The following OGT variants were observed in gnomAD, a reference collection of about 807,000 sequenced individuals.
OGT encodes the protein UDP-N-acetylglucosamine--peptide N-acetylglucosaminyltransferase 110 kDa subunit.
OGT carries 3 observed loss-of-function variants against 75.8 expected under a neutral mutation model. The ratio of observed to expected loss-of-function variants is 0.04; its 90% CI spans 0.02 to 0.10. The LOEUF is 0.10. OGT is among the 10% of genes least tolerant of loss of function. The pLI is 1.00. For synonymous variants in OGT, 257 were observed against 289.7 expected (o/e 0.89, Z 1.15); for missense variants, 260 against 824.4 (o/e 0.32, Z 8.38).
intron 1 of OGT, among the ~76,000 whole-genome samples, chrX:71,533,776 C>T (rs927300627): frequency 9.2e-6 from 1 of 108,984 alleles, no homozygotes; most frequent in African/African-American, 3.4e-5. Context: ...TTCCCCTTAG[C>T]CAGATTTGGT....
intron 3 of OGT, 71 bp downstream of exon 3, chrX:71,538,143 C>T (rs2040192959): frequency 1.6e-5 from 18 of 1,106,970 alleles, no homozygotes; most frequent in Non-Finnish European, 2.1e-5. Context: ...ATATTTCAGA[C>T]ACTAAAGTAG....
At chrX:71,533,747 C>T (rs1246784485) in intron 1 of OGT, among the ~76,000 whole-genome samples, 5 of 109,275 alleles carry the variant, frequency 4.6e-5, no homozygotes, top group African/African-American at 1.0e-4. Context: ...TCTCCTCCTT[C>T]ATCTCCCCCC....
At chrX:71,557,405 T>A in intron 11 of OGT, 88 bp from the exon 12 acceptor site, 2 of 1,074,315 alleles carry the variant, frequency 1.9e-6, no homozygotes, top group Admixed American at 2.4e-5. Context: ...TAATAGGCTA[T>A]CTGACATTAC....
intron 21 of OGT, among the ~76,000 whole-genome samples, chrX:71,572,498 T>C (rs905777062): frequency 1.8e-5 from 2 of 112,642 alleles, no homozygotes; most frequent in African/African-American, 6.5e-5. Flanking sequence ...TTGGGCGTGG[T>C]GGCGCATGCC....
intron 5 of OGT, among the ~76,000 whole-genome samples, chrX:71,550,255 T>C (rs1313554781): frequency 8.9e-6 from 1 of 112,759 alleles, no homozygotes; most frequent in Non-Finnish European, 1.9e-5. Flanking sequence ...TTATTATTCG[T>C]CCTTTTGATG....
rs188474626 is a variant in OGT, at chrX:71,565,259, C to T, written c.2589+506C>T. ...CCTTTTTTTAAAAAACAGAATCTCA[C>T]TCTGTTGTTCGGGCTGCAGTGTAGT... On this transcript the variant is annotated intron_variant, in intron 19 of 21. Coordinates refer to ENST00000373719, the MANE Select transcript of OGT (RefSeq NM_181672.3). 4.1e-3 allele frequency among the ~76,000 whole-genome samples: 462 copies of T among 112,069 alleles called. 5 individuals carry two copies. The highest frequency in any genetic ancestry group is 4.0e-3 in the Non-Finnish European group (214 of 53,209).
intron 5 of OGT, among the ~76,000 whole-genome samples, chrX:71,554,186 T>C (rs2040327096): frequency 8.9e-6 from 1 of 111,843 alleles, no homozygotes; most frequent in African/African-American, 3.3e-5. Flanking sequence ...TTGCCACTAT[T>C]TTTCAGAAGA....
At chrX:71,558,375 T>C (rs1052270559) in intron 12 of OGT, among the ~76,000 whole-genome samples, 3 of 109,839 alleles carry the variant, frequency 2.7e-5, no homozygotes, top group Non-Finnish European at 3.8e-5. Context: ...CTTTTTTTTT[T>C]TTTTTGAGAC....
chrX:71,536,559 C>T, intron 2 of OGT: 2 of 340,193 alleles, frequency 5.9e-6, no homozygotes, highest in Non-Finnish European at 5.0e-6. Flanking sequence ...GTTATATTAT[C>T]AGTATGACTA....
intron 21 of OGT, among the ~76,000 whole-genome samples, chrX:71,572,931 A>C (rs927405197): frequency 1.8e-5 from 2 of 111,930 alleles, no homozygotes; most frequent in African/African-American, 6.5e-5. Flanking sequence ...TGAAGAATCA[A>C]TTACTTCTTT....
intron 2 of OGT, 85 bp downstream of exon 2, chrX:71,536,443 AT>A (rs1196336095): frequency 2.4e-6 from 2 of 824,161 alleles, no homozygotes. Context: ...TGAACTTGAA[AT>A]TTTTCCAGTA....
At position 71,538,126 on chromosome X, in the gene OGT, T is replaced by C. The variant is rs1384000242; in HGVS notation, c.462+54T>C. On this transcript the variant is annotated intron_variant, in intron 3 of 21. Coordinates refer to ENST00000373719, the MANE Select transcript of OGT (RefSeq NM_181672.3). The stretch of plus-strand genomic sequence containing the variant: ...CTTCCTAGAAACCCAGAAAGAAACA[T>C]AGTGTGATATTTCAGACACTAAAGT... The C allele has an allele frequency of 1.1e-5, 13 of 1,156,390 alleles. No homozygotes were observed. In the Admixed American group the frequency reaches 2.8e-4, roughly 25 times the overall value.
Position 71,574,720 on chromosome X carries a change from AGTGT to A in OGT, c.*931_*934del, listed in dbSNP as rs772067576. The A allele has an allele frequency of 7.0e-5, 7 of 100,357 alleles. No homozygotes were observed. In the East Asian group the frequency reaches 9.4e-4, roughly 13 times the overall value. 8.3% of individuals were successfully genotyped at this position (100,357 alleles called of 1,213,427 possible). ...CTTCTATGCTGCTTCCAAAAGTGAT[AGTGT>A]GTGTAAGATTTTTACCTTCCTTTCT... is the stretch of plus-strand genomic sequence containing the variant. On this transcript the variant is annotated 3_prime_UTR_variant, in exon 22 of 22. Transcript: ENST00000373719.
At chrX:71,559,737 G>A (rs976611173) in intron 14 of OGT, 60 bp downstream of exon 14, 2 of 892,633 alleles carry the variant, frequency 2.2e-6, no homozygotes, top group African/African-American at 2.0e-5. Context: ...AAAACTATTA[G>A]CATATAGTTT....
At position 71,573,872 on chromosome X, in the gene OGT, C is replaced by T. The variant is rs2040474849; in HGVS notation, c.*78C>T. The T allele has an allele frequency of 1.2e-6, 1 of 811,237 alleles. No individual in the cohort carries two copies. Among genetic ancestry groups the T allele is most frequent in the African/African-American group, 2.1e-5 (1 of 48,513 alleles). 66.9% of individuals were successfully genotyped at this position (811,237 alleles called of 1,213,427 possible). A position where few individuals can be genotyped will look rare whatever the true frequency, so the allele number is the denominator to read the frequency against. The stretch of plus-strand genomic sequence containing the variant: ...GGAAAGGGAACTAGATAACATACTT[C>T]TTACTTGTCTGTACAGTACCTTGTT... On this transcript the variant is annotated 3_prime_UTR_variant, in exon 22 of 22. Coordinates refer to ENST00000373719, the MANE Select transcript of OGT (RefSeq NM_181672.3).
chrX:71,559,727 A>G, intron 14 of OGT, 50 bp downstream of exon 14: 1 of 969,105 alleles, frequency 1.0e-6, no homozygotes, highest in Non-Finnish European at 1.5e-6. Context: ...AAGTTTAAAT[A>G]AAACTATTAG....
chrX:71,566,886 T>C lies in OGT; in HGVS notation c.2590-614T>C, dbSNP rs911655180. Among the ~76,000 whole-genome samples the C allele has an allele frequency of 3.5e-5, 4 of 112,874 alleles. No homozygotes were observed. The East Asian group carries it at 1.1e-3, about 31-fold the overall frequency. On this transcript the variant is annotated intron_variant, in intron 19 of 21. Coordinates refer to ENST00000373719, the MANE Select transcript of OGT (RefSeq NM_181672.3). ...GCTTTCAGAGAAAGGGATTTTGAAC[T>C]TACATGGTACATAGAGTAGATGTAA...
chrX:71,560,659 T>C (rs148750946), intron 14 of OGT, among the ~76,000 whole-genome samples: 136 of 112,163 alleles, frequency 1.2e-3, no homozygotes, highest in Non-Finnish European at 1.5e-3. Context: ...ACTTCTCATT[T>C]AATAAATAGT....
intron 6 of OGT, among the ~76,000 whole-genome samples, 157 bp downstream of exon 6, chrX:71,554,749 ATGT>A (rs1328252465): frequency 8.9e-6 from 1 of 112,074 alleles, no homozygotes; most frequent in East Asian, 2.8e-4. Context: ...TTATTTATAG[ATGT>A]TGTTCGTTGC....
Sources: allele counts gnomAD v4.1 joint callset (sites outside exome capture counted in the v4.1 genomes callset), GRCh38; gene constraint gnomAD v4.1.1; transcripts MANE v1.5; gene names NCBI Gene and HGNC (gene_info 2026-07-23, HGNC 2026-07-21).